Variants in ARID4B observed in about 807,000 individuals in gnomAD.
ARID4B encodes AT-rich interaction domain 4B.
A neutral mutation model predicts 147.5 loss-of-function variants in ARID4B; 26 were observed. The observed-to-expected ratio is 0.18, with a 90% CI of 0.13 to 0.24. The LOEUF is 0.24. ARID4B is among the 10% of genes least tolerant of loss of function. The pLI is 1.00. For synonymous variants in ARID4B, 512 were observed against 507.9 expected, an observed-to-expected ratio of 1.01 and a Z score of -0.11; for missense variants, 1,179 against 1,511.5, an observed-to-expected ratio of 0.78 and a Z score of 3.65.
chr1:235,277,963 G>A (rs955190980), intron 2 of ARID4B, among the ~76,000 whole-genome samples: 7 of 152,238 alleles, frequency 4.6e-5, no homozygotes, highest in African/African-American at 1.7e-4. Context: ...GGTTAAGTCA[G>A]AGCCAAAATC....
At chr1:235,176,437 CAAAAAAAAAAAA>C (rs34808765) in intron 21 of ARID4B, among the ~76,000 whole-genome samples, 916 of 22,556 alleles carry the variant, frequency 0.041, 25 homozygotes, top group East Asian at 0.097. Flanking sequence ...ACAACATCAC[CAAAAAAAAAAAA>C]AAAAAAAAAA....
chr1:235,309,200 G>A (rs1386395391), intron 2 of ARID4B, among the ~76,000 whole-genome samples: 3 of 149,256 alleles, frequency 2.0e-5, no homozygotes, highest in African/African-American at 7.5e-5. Flanking sequence ...GTCTCTGCCC[G>A]GCCGCCCCGT....
At chr1:235,196,237 C>A (rs917378750) in intron 17 of ARID4B, 122 bp from the exon 18 acceptor site, 3 of 476,442 alleles carry the variant, frequency 6.3e-6, no homozygotes, top group African/African-American at 6.1e-5. Flanking sequence ...CCTTGGAAAT[C>A]ATCTCAGCTT....
chr1:235,206,047 G>A (rs567659971), intron 17 of ARID4B, among the ~76,000 whole-genome samples: 1 of 152,160 alleles, frequency 6.6e-6, no homozygotes, highest in South Asian at 2.1e-4. Context: ...CCCTATTATA[G>A]GTATCACTTT....
At chr1:235,295,178 T>C (rs529326258) in intron 2 of ARID4B, among the ~76,000 whole-genome samples, 2 of 152,298 alleles carry the variant, frequency 1.3e-5, no homozygotes, top group African/African-American at 4.8e-5. Flanking sequence ...TAATATAATG[T>C]TAATGTTGTT....
intron 14 of ARID4B, 48 bp from the exon 15 acceptor site, chr1:235,220,593 T>C (rs374565110): frequency 5.0e-6 from 7 of 1,412,948 alleles, no homozygotes; most frequent in South Asian, 1.5e-5. Flanking sequence ...TTTCAAAATA[T>C]AACTATAGAG....
chr1:235,216,378 C>T (rs1667081821), intron 16 of ARID4B, among the ~76,000 whole-genome samples: 1 of 151,898 alleles, frequency 6.6e-6, no homozygotes, highest in East Asian at 1.9e-4. Context: ...GACAGAGTCT[C>T]GCTCTGTTGC....
intron 2 of ARID4B, among the ~76,000 whole-genome samples, chr1:235,309,172 G>A (rs1367529171): frequency 7.6e-5 from 11 of 144,118 alleles, no homozygotes; most frequent in Middle Eastern, 8.0e-3. Context: ...CCGTGACCCC[G>A]TCTGGGAGGT....
At chr1:235,260,146 T>C (rs1305430477) in intron 3 of ARID4B, among the ~76,000 whole-genome samples, 1 of 152,196 alleles carries the variant, frequency 6.6e-6, no homozygotes, top group Non-Finnish European at 1.5e-5. Context: ...AGGCAGAGCA[T>C]AAGGAGTCAA....
chr1:235,234,588 G>T, intron 8 of ARID4B, 96 bp from the exon 9 acceptor site: 1 of 857,238 alleles, frequency 1.2e-6, no homozygotes, highest in Non-Finnish European at 1.8e-6. Context: ...TAAGCTTGAA[G>T]TTTAAAAACT....
chr1:235,276,506 C>T (rs1476820448), intron 2 of ARID4B, among the ~76,000 whole-genome samples: 5 of 151,946 alleles, frequency 3.3e-5, no homozygotes, highest in African/African-American at 1.2e-4. Context: ...AAAAATAAAG[C>T]AAGAATACTA....
intron 22 of ARID4B, among the ~76,000 whole-genome samples, chr1:235,173,630 C>A (rs1025155428): frequency 1.4e-5 from 2 of 147,262 alleles, no homozygotes; most frequent in African/African-American, 5.0e-5. Context: ...GGTGTGGTGG[C>A]TCACACCTGT....
intron 2 of ARID4B, among the ~76,000 whole-genome samples, chr1:235,269,235 T>C (rs897191163): frequency 1.3e-5 from 2 of 152,206 alleles, no homozygotes; most frequent in African/African-American, 4.8e-5. Context: ...AAAATGTTAA[T>C]AACTGTAACA....
At position 235,320,951 on chromosome 1, in the gene ARID4B, C is replaced by A. The variant is rs138031266; in HGVS notation, c.6+5963G>T. 4.5e-4 allele frequency among the ~76,000 whole-genome samples: 68 copies of A among 152,214 alleles called. No individual in the cohort carries two copies. In the South Asian group the frequency reaches 0.01, roughly 23 times the overall value. On this transcript the variant is annotated intron_variant, in intron 2 of 23. Transcript: ENST00000264183. The stretch of plus-strand genomic sequence containing the variant: ...TCACTCTAACCTCTTATTCTGATTC[C>A]GTATCATTTCTCTTCAAAGCACTTA...
chr1:235,274,714 A>G (rs1241087924), intron 2 of ARID4B, among the ~76,000 whole-genome samples: 2 of 152,224 alleles, frequency 1.3e-5, no homozygotes, highest in East Asian at 1.9e-4. Context: ...GTAAAAGGAT[A>G]TAGAAGAATA....
chr1:235,176,939 A>T (rs1327029884), intron 21 of ARID4B: 2 of 471,014 alleles, frequency 4.2e-6, no homozygotes, highest in Admixed American at 4.7e-5. Context: ...TCTGCTTCTT[A>T]CTTTGTCTAC....
chr1:235,240,234 A>G, intron 8 of ARID4B, 79 bp downstream of exon 8: 1 of 1,316,738 alleles, frequency 7.6e-7, no homozygotes, highest in East Asian at 2.3e-5. Context: ...GTACCTATGA[A>G]AAACATTAGT....
intron 2 of ARID4B, among the ~76,000 whole-genome samples, chr1:235,287,784 T>C (rs1672081592): frequency 6.6e-6 from 1 of 152,232 alleles, no homozygotes; most frequent in Admixed American, 6.5e-5. Flanking sequence ...ATTTGCTTTA[T>C]AAAACTATAA....
At chr1:235,265,655 C>T (rs776966934) in intron 2 of ARID4B, among the ~76,000 whole-genome samples, 3 of 151,404 alleles carry the variant, frequency 2.0e-5, no homozygotes, top group Non-Finnish European at 2.9e-5. Flanking sequence ...GCAGAGATCG[C>T]GCCACCGCAC....
Sources: allele counts gnomAD v4.1 joint callset (sites outside exome capture counted in the v4.1 genomes callset), GRCh38; gene constraint gnomAD v4.1.1; transcripts MANE v1.5; gene names NCBI Gene and HGNC (gene_info 2026-07-23, HGNC 2026-07-21).